KMT2D: variants seen among roughly 807,000 people sequenced by gnomAD.
KMT2D encodes histone-lysine N-methyltransferase 2D.
In KMT2D, 55 loss-of-function variants were observed where a neutral mutation model predicts 512.7. That is an observed-to-expected ratio of 0.11 (90% CI 0.09 to 0.13). The LOEUF is 0.13. KMT2D is among the 10% of genes least tolerant of loss of function. KMT2D has a pLI of 1.00. For missense variants in KMT2D, 6,061 were observed against 7,127.9 expected, an observed-to-expected ratio of 0.85 and a Z score of 5.39; for synonymous variants, 2,995 against 2,904.0, an observed-to-expected ratio of 1.03 and a Z score of -1.01.
At position 49,041,169 on chromosome 12, in the gene KMT2D, T is replaced by TAGGATAGGG; in HGVS notation, c.6592_6600dup (p.Pro2198_Pro2200dup). On this transcript the variant is annotated inframe_insertion, in exon 32 of 55. Transcript: ENST00000301067. The surrounding 1 kb of genome is among the most constrained non-coding windows in gnomAD (Gnocchi z 5.4). ...GGCTGCGCAGGGGCCCCCGTAGGACTAGGATAGGGGGGATAGGTGGGCGGT... is the reference window on the plus strand; with the variant it reads ...GGCTGCGCAGGGGCCCCCGTAGGACTAGGATAGGGAGGATAGGGGGGATAGGTGGGCGGT... The TAGGATAGGG allele has an allele frequency of 6.6e-7, 1 of 1,519,308 alleles. No individual in the cohort carries two copies. The highest frequency in any genetic ancestry group is 8.8e-7 in the Non-Finnish European group (1 of 1,136,830). 94.1% of individuals were successfully genotyped at this position (1,519,308 alleles called of 1,614,324 possible). A position where few individuals can be genotyped will look rare whatever the true frequency, so the allele number is the denominator to read the frequency against.
rs995104766 is a variant in KMT2D at position 49,024,226 on chromosome 12, G to C, written c.16052+352C>G. On this transcript the variant is annotated intron_variant, in intron 51 of 54. Transcript: ENST00000301067. The surrounding 1 kb of genome is among the most constrained non-coding windows in gnomAD (Gnocchi z 4.5). ...AGGGAAGGTGACCCTAGCACCCATG[G>C]GGTATCTGAGGTTTGGGAGAATCAC... 1.2e-5 allele frequency: 5 copies of C among 401,124 alleles called. No homozygotes were observed. The highest frequency in any genetic ancestry group is 1.1e-4 in the South Asian group (5 of 45,328). 24.8% of individuals were successfully genotyped at this position (401,124 alleles called of 1,614,324 possible).
Position 49,020,974 on chromosome 12 carries a change from C to A in KMT2D, c.*806G>T. The A allele has an allele frequency of 5.1e-6, 1 of 194,922 alleles. No individual in the cohort carries two copies. The highest frequency in any genetic ancestry group is 7.9e-5 in the East Asian group (1 of 12,580). 12.1% of individuals were successfully genotyped at this position (194,922 alleles called of 1,614,324 possible). A position where few individuals can be genotyped will look rare whatever the true frequency, so the allele number is the denominator to read the frequency against. ...AGATGGATTTTTTGTTGTTGTTTTTCTTCCTCCTCCTACCCCCCTTCCACC... is the reference window on the plus strand; with the variant it reads ...AGATGGATTTTTTGTTGTTGTTTTTATTCCTCCTCCTACCCCCCTTCCACC... On this transcript the variant is annotated 3_prime_UTR_variant, in exon 55 of 55. Coordinates refer to ENST00000301067, the MANE Select transcript of KMT2D (RefSeq NM_003482.4).
Position 49,050,186 on chromosome 12 carries a change from C to T in KMT2D, c.3402G>A (p.Gln1134=), listed in dbSNP as rs2120646808. The part of the protein sequence containing the change: ...PLDGIDAPGS[Q]PEPGQTPGSL... ...TGCCAGGGGTCTGTCCAGGCTCTGG[C>T]TGTGAACCCGGAGCATCAATCCCAT... Residue 1134 remains glutamine (Q), a synonymous_variant, in exon 12 of 55, where the codon CAG becomes CAA. Coordinates refer to ENST00000301067, the MANE Select transcript of KMT2D (RefSeq NM_003482.4). The T allele has an allele frequency of 6.2e-7, 1 of 1,613,822 alleles. No homozygotes were observed. The highest frequency in any genetic ancestry group is 8.5e-7 in the Non-Finnish European group (1 of 1,179,876).
chr12:49,046,810 C>G lies in KMT2D; in HGVS notation c.4237-20G>C, dbSNP rs774433859. 3.1e-6 allele frequency: 5 copies of G among 1,604,102 alleles called. No homozygotes were observed. The East Asian group carries it at 1.1e-4, about 36-fold the overall frequency. On this transcript the variant is annotated intron_variant, in intron 15 of 54. Transcript: ENST00000301067. The surrounding 1 kb of genome is among the most constrained non-coding windows in gnomAD (Gnocchi z 4.2). ...GGTGATCTGGGGCAGAAGATGGGAA[C>G]TTCTCAGGGTGTGAGGTGGAAAAGA...
rs3741625 is a variant in KMT2D at position 49,040,600 on chromosome 12, C to T, written c.7170G>A (p.Pro2390=). 95 of 1,610,572 alleles carry T rather than the reference C, an allele frequency of 5.9e-5. No individual in the cohort carries two copies. The East Asian group carries it at 1.1e-3, about 19-fold the overall frequency. ...GCAGAGCACAGCAGCTCTCAGGGGGCGGAGGTTGGGGCCGAGGAGTCAATG... is the reference window on the plus strand; with the variant it reads ...GCAGAGCACAGCAGCTCTCAGGGGGTGGAGGTTGGGGCCGAGGAGTCAATG... ...QPPLTPRPQP[P]PPESCCALPP... The change falls in exon 32 of 55, where the codon CCG becomes CCA. Residue 2390 remains proline, a synonymous_variant. Transcript: ENST00000301067.
chr12:49,050,145 A>C lies in KMT2D; in HGVS notation c.3443T>G (p.Leu1148Arg). Residue 1148 changes from leucine (L) to arginine (R), a missense_variant, in exon 12 of 55, where the codon CTT becomes CGT. Around this residue, in one of 16 missense-constraint regions of KMT2D, gnomAD observed 447 missense variants for 500.1 expected, o/e 0.89. Coordinates refer to ENST00000301067, the MANE Select transcript of KMT2D (RefSeq NM_003482.4). ...GQTPGSLASE[L>R]KGSPVLLDPE... is the part of the protein sequence containing the mutation. ...GTCCAGGAGCACAGGGGAGCCTTTAAGTTCACTAGCCAAACTGCCAGGGGT... is the reference window on the plus strand; with the variant it reads ...GTCCAGGAGCACAGGGGAGCCTTTACGTTCACTAGCCAAACTGCCAGGGGT... 1 of 1,613,520 alleles carries C rather than the reference A, an allele frequency of 6.2e-7. No homozygotes were observed. Among genetic ancestry groups the C allele is most frequent in the South Asian group, 1.1e-5 (1 of 91,080 alleles).
chr12:49,043,416 G>A lies in KMT2D; in HGVS notation c.5480C>T (p.Pro1827Leu), dbSNP rs1483821975. 9 of 1,613,868 alleles carry A rather than the reference G, an allele frequency of 5.6e-6. No individual in the cohort carries two copies. Among genetic ancestry groups the A allele is most frequent in the Non-Finnish European group, 6.8e-6 (8 of 1,179,838 alleles). The change falls in exon 25 of 55, where the codon CCA (proline) becomes CTA (leucine). Residue 1827 changes from proline (P) to leucine (L), a missense_variant. Coordinates refer to ENST00000301067, the MANE Select transcript of KMT2D (RefSeq NM_003482.4). ...LPTSQKGDDG[P>L]DIADEESRGL... ...ACGGGATTCTTCATCTGCAATATCT[G>A]GACCATCATCTCCTATGAGCAAGAG...
Position 49,022,577 on chromosome 12 carries a change from T to G in KMT2D, c.16338+13A>C, listed in dbSNP as rs2137706053. ...AGACTATGCACCACAATGGCCCCTCTGCCAGCTCATACCTGCTCTTCGTAG... is the reference window on the plus strand; with the variant it reads ...AGACTATGCACCACAATGGCCCCTCGGCCAGCTCATACCTGCTCTTCGTAG... On this transcript the variant is annotated intron_variant, in intron 52 of 54. Coordinates refer to ENST00000301067, the MANE Select transcript of KMT2D (RefSeq NM_003482.4). This position sits in a 1 kb window ranked among gnomAD's most constrained non-coding sequence, Gnocchi z 8.6. 6.2e-7 allele frequency: 1 copy of G among 1,610,464 alleles called. No individual in the cohort carries two copies. The highest frequency in any genetic ancestry group is 8.5e-7 in the Non-Finnish European group (1 of 1,177,414).
rs2137707837 is a variant in KMT2D at position 49,022,860 on chromosome 12, G to C, written c.16068C>G (p.Asn5356Lys). Residue 5356 changes from asparagine to lysine, a missense_variant, in exon 52 of 55, where the codon AAC becomes AAG. Physicochemically the swap from Asn to Lys is moderately conservative, Grantham distance 94. Around this residue, in one of 16 missense-constraint regions of KMT2D, gnomAD observed 261 missense variants for 440.7 expected, o/e 0.59. Transcript: ENST00000301067. This position sits in a 1 kb window ranked among gnomAD's most constrained non-coding sequence, Gnocchi z 8.6. ...GATATGCCTTAGACATGCTGGTGCT[G>C]TTCAGGGTATGGGGCCTGGGAGGTG... ...LTHYKRPHTL[N>K]STSMSKAYQS... 6.2e-7 allele frequency: 1 copy of C among 1,603,424 alleles called. No individual in the cohort carries two copies.
In KMT2D at chr12:49,053,993, C is replaced by T. The variant is rs1421070239; in HGVS notation, c.658G>A (p.Gly220Arg). ...GACTTCTCACCCAGATATGCAGCCC[C>T]CTCACTGTGCTCTGGGCATAGCAGC... ...LQLLCPEHSE[G>R]AAYLEEARCA... The change falls in exon 6 of 55, where the codon GGG becomes AGG. Residue 220 changes from glycine (G) to arginine (R), a missense_variant. Gly to Arg is a moderately radical substitution (Grantham distance 125). This residue lies in a region of KMT2D where 160 missense variants were observed against 225.8 expected (regional missense o/e 0.71). Transcript: ENST00000301067. The T allele has an allele frequency of 6.2e-7, 1 of 1,613,820 alleles. No individual in the cohort carries two copies. The highest frequency in any genetic ancestry group is 2.2e-5 in the East Asian group (1 of 44,886).
At position 49,030,445 on chromosome 12, in the gene KMT2D, G is replaced by T; in HGVS notation, c.13840-6C>A. 4 of 632,546 alleles carry T rather than the reference G, an allele frequency of 6.3e-6. No homozygotes were observed. Among genetic ancestry groups the T allele is most frequent in the South Asian group, 3.3e-5 (2 of 60,292 alleles). The allele number at this position is 632,546 out of a possible 1,614,324, so 39.2% of individuals were successfully genotyped here. ...GGCGGGTTACTCAGGTTATTCTGAGGGGTGGGGGGTGGGGTGTTGTGTGCA... is the reference window on the plus strand; with the variant it reads ...GGCGGGTTACTCAGGTTATTCTGAGTGGTGGGGGGTGGGGTGTTGTGTGCA... On this transcript the variant is annotated splice_region_variant and splice_polypyrimidine_tract_variant and intron_variant, in intron 42 of 54. Coordinates refer to ENST00000301067, the MANE Select transcript of KMT2D (RefSeq NM_003482.4).
Position 49,042,471 on chromosome 12 carries a change from C to T in KMT2D, c.5867+90G>A, listed in dbSNP as rs1413518184. 3.3e-6 allele frequency: 5 copies of T among 1,529,934 alleles called. No homozygotes were observed. In the African/African-American group the frequency reaches 6.9e-5, roughly 21 times the overall value. The allele number at this position is 1,529,934 out of a possible 1,614,324, so 94.8% of individuals were successfully genotyped here. A position where few individuals can be genotyped will look rare whatever the true frequency, so the allele number is the denominator to read the frequency against. On this transcript the variant is annotated intron_variant, in intron 28 of 54. Transcript: ENST00000301067. The surrounding 1 kb of genome is among the most constrained non-coding windows in gnomAD (Gnocchi z 4.4). ...GGAATGGGGAGGAGCAGGGGAAGTG[C>T]TGCAGGAGTCCGAGGGAGGCAAAGC... is the stretch of plus-strand genomic sequence containing the variant.
Position 49,055,381 on chromosome 12 carries a change from G to A in KMT2D, c.-37-20C>T, listed in dbSNP as rs2120719258. 6.6e-7 allele frequency: 1 copy of A among 1,504,954 alleles called. No homozygotes were observed. Among genetic ancestry groups the A allele is most frequent in the Non-Finnish European group, 9.2e-7 (1 of 1,088,018 alleles). The allele number at this position is 1,504,954 out of a possible 1,614,324, so 93.2% of individuals were successfully genotyped here. ...GGAGACCTGTTGGTGCCAAGAAAGA[G>A]ATCTATATGCCTACTAAGTCTTCCC... On this transcript the variant is annotated intron_variant, in intron 1 of 54. Coordinates refer to ENST00000301067, the MANE Select transcript of KMT2D (RefSeq NM_003482.4).
intron 42 of KMT2D, 29 bp from the exon 43 acceptor site, chr12:49,030,468 G>T: frequency 7.4e-7 from 1 of 1,355,220 alleles, no homozygotes; most frequent in Non-Finnish European, 1.0e-6. Flanking sequence ...GGTGTTGTGT[G>T]CAAGATGGCA....
rs767576581 is a variant in KMT2D, at chr12:49,051,793, AGGT to A, written c.1887_1889del (p.Pro630del). On this transcript the variant is annotated inframe_deletion, in exon 11 of 55. Coordinates refer to ENST00000301067, the MANE Select transcript of KMT2D (RefSeq NM_003482.4). Reference sequence around the variant, plus strand: ...GTGGTGGGGACATAGGCGAGTCCTCAGGTGGTGGGGACAGGCGTGATGCCTCAG... The same window carrying A: ...GTGGTGGGGACATAGGCGAGTCCTCAGGTGGGGACAGGCGTGATGCCTCAG... The A allele has an allele frequency of 5.6e-6, 9 of 1,610,426 alleles. No homozygotes were observed. In the Admixed American group the frequency reaches 1.2e-4, roughly 21 times the overall value.
At chr12:49,055,050 G>A (rs1343807630) in intron 2 of KMT2D, 24 bp from the exon 3 acceptor site, 14 of 1,612,450 alleles carry the variant, frequency 8.7e-6, no homozygotes, top group Non-Finnish European at 1.2e-5. Flanking sequence ...CAAACAGCAT[G>A]TGTCAGCCAT....
At chr12:49,049,504 G>C (rs1937788877) in intron 12 of KMT2D, among the ~76,000 whole-genome samples, 178 bp downstream of exon 12, 1 of 152,216 alleles carries the variant, frequency 6.6e-6, no homozygotes, top group East Asian at 1.9e-4. Flanking sequence ...GAGTAACCAT[G>C]AATCTGGGCA....
In KMT2D at chr12:49,028,937, T is replaced by C. The variant is rs373070195; in HGVS notation, c.14273A>G (p.Tyr4758Cys). The C allele has an allele frequency of 3.1e-6, 5 of 1,613,816 alleles. No homozygotes were observed. The highest frequency in any genetic ancestry group is 4.2e-6 in the Non-Finnish European group (5 of 1,179,872). ...AGGGACCTCCAGGCCAAGGGCCCCA[T>C]AAGGTTTGGTATCTGGGAAGACTGA... Reference protein sequence around the residue: ...SIPVFPDTKPYGALGLEVPGK... With the variant: ...SIPVFPDTKPCGALGLEVPGK... The change falls in exon 46 of 55, where the codon TAT becomes TGT. Residue 4758 changes from tyrosine (Y) to cysteine (C), a missense_variant. Tyr to Cys is a radical substitution (Grantham distance 194). This residue lies in a region of KMT2D where 1,600 missense variants were observed against 1,754.9 expected (regional missense o/e 0.91). Transcript: ENST00000301067.
rs200238459 is a variant in KMT2D at position 49,040,578 on chromosome 12, G to C, written c.7192C>G (p.Leu2398Val). 6.2e-7 allele frequency: 1 copy of C among 1,613,438 alleles called. No homozygotes were observed. The highest frequency in any genetic ancestry group is 2.2e-5 in the East Asian group (1 of 44,858). The change falls in exon 32 of 55, where the codon CTG becomes GTG. Residue 2398 changes from leucine (L) to valine (V), a missense_variant. Transcript: ENST00000301067. ...QPPPPESCCA[L>V]PPRSLPSDPF... ...TCGGAGGGCAGTGAGCGAGGGGGCA[G>C]AGCACAGCAGCTCTCAGGGGGCGGA...
Sources: gnomAD v4.1 joint callset for allele counts (sites outside exome capture counted in the v4.1 genomes callset) on GRCh38, gnomAD v4.1.1 for gene constraint, gnomAD v4.1.1 regional missense constraint, Gnocchi (gnomAD v3.1) non-coding constraint, MANE v1.5 for transcripts, NCBI Gene and HGNC (gene_info 2026-07-23, HGNC 2026-07-21) for gene names.